UBAP2: variants seen among roughly 807,000 people sequenced by gnomAD.
The protein encoded by UBAP2 is ubiquitin associated protein 2, also known as ubiquitin-associated protein 2.
Under a neutral mutation model 139.6 loss-of-function variants are expected in UBAP2, and 75 were observed. That is an observed-to-expected ratio of 0.54 (90% CI 0.45 to 0.65). The LOEUF (loss-of-function observed/expected upper bound fraction) is 0.65. UBAP2 is among the 30% of genes least tolerant of loss of function. UBAP2 has a pLI of 0.00. For synonymous variants in UBAP2, 526 were observed against 526.2 expected (o/e 1.00, Z 0.01); for missense variants, 1,368 against 1,369.6 (o/e 1.00, Z 0.02).
At chr9:33,989,266 C>T in intron 4 of UBAP2, 140 bp from the exon 5 acceptor site, 1 of 955,772 alleles carries the variant, frequency 1.0e-6, no homozygotes, top group South Asian at 2.3e-5. Flanking sequence ...GCATGGCGCC[C>T]TCTCAGCTCA....
intron 1 of UBAP2, among the ~76,000 whole-genome samples, chr9:34,023,656 A>AC (rs1825152529): frequency 6.6e-6 from 1 of 152,224 alleles, no homozygotes; most frequent in Admixed American, 6.5e-5. Flanking sequence ...TACATGGCTT[A>AC]CTTTATTGTT....
chr9:33,990,689 GCAATGGCACAGTCTCGGCTC>G (rs1016677212), intron 4 of UBAP2, among the ~76,000 whole-genome samples: 4 of 140,916 alleles, frequency 2.8e-5, no homozygotes, highest in African/African-American at 5.3e-5. Context: ...AGAGTGGAGT[GCAATGGCACAGTCTCGGCTC>G]ACTGCAACCT....
At chr9:34,020,579 G>C (rs1381970015) in intron 1 of UBAP2, among the ~76,000 whole-genome samples, 1 of 151,966 alleles carries the variant, frequency 6.6e-6, no homozygotes, top group Admixed American at 6.6e-5. Flanking sequence ...ACCAGCCTTG[G>C]CCTCCCAAAG....
At chr9:33,965,347 A>G (rs1827365875) in intron 8 of UBAP2, among the ~76,000 whole-genome samples, 1 of 152,160 alleles carries the variant, frequency 6.6e-6, no homozygotes, top group Admixed American at 6.6e-5. Context: ...TTTTGTATAT[A>G]AGTCCTTATC....
At chr9:34,009,379 G>A (rs185175580) in intron 2 of UBAP2, among the ~76,000 whole-genome samples, 281 of 151,924 alleles carry the variant, frequency 1.8e-3, no homozygotes, top group African/African-American at 6.6e-3. Flanking sequence ...GATTACAGAC[G>A]CAAGCCACCA....
At chr9:34,015,178 T>C (rs1824138582) in intron 2 of UBAP2, among the ~76,000 whole-genome samples, 1 of 152,214 alleles carries the variant, frequency 6.6e-6, no homozygotes, top group African/African-American at 2.4e-5. Context: ...GAAAAAGGGT[T>C]TGCCAATCTA....
intron 6 of UBAP2, among the ~76,000 whole-genome samples, chr9:33,974,456 G>A (rs111297162): frequency 1.3e-5 from 2 of 152,152 alleles, no homozygotes; most frequent in African/African-American, 4.8e-5. Flanking sequence ...GCAGTGAGCT[G>A]AGATTGCACC....
Position 33,941,644 on chromosome 9 carries a change from C to A in UBAP2, c.1929+5G>T. On this transcript the variant is annotated splice_donor_5th_base_variant and intron_variant, in intron 16 of 28. Coordinates refer to ENST00000379238, the MANE Select transcript of UBAP2 (RefSeq NM_001370062.2). ...TTCTGAGAAAAAAACTAAAATACCA[C>A]TTACCATGATGGTTCCTGGAGCTGA... 15 of 1,613,346 alleles carry A rather than the reference C, an allele frequency of 9.3e-6. No homozygotes were observed. The highest frequency in any genetic ancestry group is 1.3e-5 in the Non-Finnish European group (15 of 1,179,344).
At chr9:33,963,853 GAGA>G in intron 8 of UBAP2, 62 bp from the exon 9 acceptor site, 1 of 1,221,418 alleles carries the variant, frequency 8.2e-7, no homozygotes. Context: ...ATTCATCACA[GAGA>G]AGATGGTCAC....
At chr9:34,030,474 C>A (rs1304838196) in intron 1 of UBAP2, among the ~76,000 whole-genome samples, 1 of 151,592 alleles carries the variant, frequency 6.6e-6, no homozygotes, top group African/African-American at 2.4e-5. Context: ...AACAAAAAAA[C>A]TGGCCCGGTA....
chr9:33,990,332 T>C (rs1435589534), intron 4 of UBAP2, among the ~76,000 whole-genome samples: 5 of 152,322 alleles, frequency 3.3e-5, no homozygotes, highest in Middle Eastern at 6.8e-3. Context: ...TGGAAATTAA[T>C]AAACTAAAAT....
chr9:33,993,667 A>AT (rs1189312936), intron 4 of UBAP2, among the ~76,000 whole-genome samples: 1 of 152,196 alleles, frequency 6.6e-6, no homozygotes, highest in Non-Finnish European at 1.5e-5. Context: ...CCCTGTCTTA[A>AT]TAAAAAACCC....
chr9:33,927,683 A>G (rs923766763), intron 20 of UBAP2, 114 bp downstream of exon 20: 20 of 1,102,658 alleles, frequency 1.8e-5, no homozygotes, highest in East Asian at 5.0e-5. Context: ...TGGAACACGC[A>G]GCGCACTCGG....
chr9:34,027,487 G>A lies in UBAP2; in HGVS notation c.-41-10298C>T, dbSNP rs185193748. On this transcript the variant is annotated intron_variant, in intron 1 of 28. Transcript: ENST00000379238. ...ACTCCAACAGTCTGGGAGGCCAAGAGGGGGAGGATCGCCTGAGCCCAGGAG... is the reference window on the plus strand; with the variant it reads ...ACTCCAACAGTCTGGGAGGCCAAGAAGGGGAGGATCGCCTGAGCCCAGGAG... 7.6e-3 allele frequency among the ~76,000 whole-genome samples: 1,157 copies of A among 152,012 alleles called. 7 individuals are homozygous for A. Among genetic ancestry groups the A allele is most frequent in the Non-Finnish European group, 0.012 (842 of 67,986 alleles).
At chr9:33,958,249 A>G (rs1826732206) in intron 10 of UBAP2, among the ~76,000 whole-genome samples, 2 of 152,134 alleles carry the variant, frequency 1.3e-5, no homozygotes, top group Admixed American at 6.5e-5. Flanking sequence ...GGCATGAGCC[A>G]CTGTGCCTGC....
At chr9:34,025,195 G>C (rs2131309291) in intron 1 of UBAP2, among the ~76,000 whole-genome samples, 1 of 152,258 alleles carries the variant, frequency 6.6e-6, no homozygotes, top group South Asian at 2.1e-4. Flanking sequence ...GGGAAATGGA[G>C]CTGTGTGTAG....
At chr9:33,992,263 C>A (rs924143452) in intron 4 of UBAP2, among the ~76,000 whole-genome samples, 1 of 151,874 alleles carries the variant, frequency 6.6e-6, no homozygotes, top group African/African-American at 2.4e-5. Flanking sequence ...TGGCGCATTC[C>A]TGTAATCCCA....
At position 33,982,884 on chromosome 9, in the gene UBAP2, T is replaced by G. The variant is rs539733280; in HGVS notation, c.520+3876A>C. Among the ~76,000 whole-genome samples the G allele has an allele frequency of 6.2e-4, 94 of 151,748 alleles. No homozygotes were observed. In the South Asian group the frequency reaches 0.018, roughly 29 times the overall value. The stretch of plus-strand genomic sequence containing the variant: ...TAATGTGTGGTGTTTTTTTTTGTTT[T>G]TTTTTTTTTGTTTTTGAGACAGAGT... On this transcript the variant is annotated intron_variant, in intron 6 of 28. Coordinates refer to ENST00000379238, the MANE Select transcript of UBAP2 (RefSeq NM_001370062.2).
intron 20 of UBAP2, 42 bp from the exon 21 acceptor site, chr9:33,927,122 CAA>C: frequency 6.6e-7 from 1 of 1,504,742 alleles, no homozygotes; most frequent in South Asian, 1.2e-5. Flanking sequence ...ATGGTCACCA[CAA>C]AGAGTGAGAG....
Sources: gnomAD v4.1 joint callset for allele counts (sites outside exome capture counted in the v4.1 genomes callset) on GRCh38, gnomAD v4.1.1 for gene constraint, MANE v1.5 for transcripts, NCBI Gene and HGNC (gene_info 2026-07-23, HGNC 2026-07-21) for gene names.